Variants in CTDP1 observed in about 807,000 individuals in gnomAD.
CTDP1 encodes the protein CTD phosphatase 1, also known as RNA polymerase II subunit A C-terminal domain phosphatase.
Under a neutral mutation model 91.8 loss-of-function variants are expected in CTDP1, and 47 were observed. The observed-to-expected ratio is 0.51, with a 90% CI of 0.41 to 0.65. The LOEUF is 0.65. Among genes scored for constraint, CTDP1 ranks in the 30% least tolerant of loss-of-function variants. The probability of loss-of-function intolerance (pLI) is 0.00; values close to 1 mark genes in which losing one functional copy is unlikely to be tolerated. For synonymous variants in CTDP1, 656 were observed against 598.5 expected (o/e 1.10, Z -1.40); for missense variants, 1,272 against 1,373.7 (o/e 0.93, Z 1.17).
At chr18:79,676,902 G>C (rs1245089792), upstream of CTDP1, among the ~76,000 whole-genome samples, 1 of 152,144 alleles carries the variant, frequency 6.6e-6, no homozygotes, top group African/African-American at 2.4e-5. Context: ...TTAAAGACAT[G>C]GTTAAGTTTC....
In CTDP1 at chr18:79,679,975, C is replaced by A; in HGVS notation, c.28C>A (p.Pro10Thr). 1 of 1,371,086 alleles carries A rather than the reference C, an allele frequency of 7.3e-7. No homozygotes were observed. The allele number at this position is 1,371,086 out of a possible 1,614,324, so 84.9% of individuals were successfully genotyped here. A position where few individuals can be genotyped will look rare whatever the true frequency, so the allele number is the denominator to read the frequency against. MEVPAAGRV[P>T]AEGAPTAAVA... ...GGAGGTGCCGGCCGCGGGTCGCGTT[C>A]CTGCCGAGGGCGCCCCGACGGCGGC... Residue 10 changes from proline (P) to threonine (T), a missense_variant, in exon 1 of 13, where the codon CCT becomes ACT. Pro to Thr is a conservative substitution (Grantham distance 38). This residue lies in a region of CTDP1 where 214 missense variants were observed against 179.1 expected (regional missense o/e 1.19). Transcript: ENST00000613122.
intron 4 of CTDP1, chr18:79,703,616 C>T (rs1219555445): frequency 6.6e-6 from 1 of 152,238 alleles, no homozygotes; most frequent in East Asian, 1.9e-4. Flanking sequence ...ACTGTCAGCA[C>T]GTGATGTTGG....
chr18:79,694,295 G>A (rs1287856482), intron 1 of CTDP1, among the ~76,000 whole-genome samples: 18 of 125,210 alleles, frequency 1.4e-4, no homozygotes, highest in Non-Finnish European at 1.0e-4. Flanking sequence ...AGTGCTGGGC[G>A]GTCTCATGTC....
intron 8 of CTDP1, among the ~76,000 whole-genome samples, chr18:79,716,278 TGTG>T (rs1039821253): frequency 2.6e-5 from 4 of 152,066 alleles, no homozygotes; most frequent in African/African-American, 4.8e-5. Flanking sequence ...AGGAAAGCCT[TGTG>T]GGGTGAGCTC....
chr18:79,719,573 G>A (rs2086291780), intron 10 of CTDP1, among the ~76,000 whole-genome samples: 1 of 150,344 alleles, frequency 6.7e-6, no homozygotes. Context: ...TGTTAGGAAG[G>A]TGTCCTGGTG....
Position 79,740,906 on chromosome 18 carries a change from G to A in CTDP1, c.2747+4385G>A, listed in dbSNP as rs371463340. Among the ~76,000 whole-genome samples, 13 of 152,250 alleles carry A rather than the reference G, an allele frequency of 8.5e-5. No homozygotes were observed. The South Asian group carries it at 1.5e-3, about 17-fold the overall frequency. On this transcript the variant is annotated intron_variant, in intron 12 of 12. Coordinates refer to ENST00000613122, the MANE Select transcript of CTDP1 (RefSeq NM_004715.5). ...TGTTTAAGGATCTCACAGACACATC[G>A]TCCCAACACCAGTTCCAGGTACCGA...
rs986792506 is a variant in CTDP1, at chr18:79,721,343, A to G, written c.2417+3327A>G. On this transcript the variant is annotated intron_variant, in intron 10 of 12. Transcript: ENST00000613122. ...AGAACAGCAGGGCGGAACCTGGCCT[A>G]TGGGATTGCTGTGGGCCAGTCAGTG... Among the ~76,000 whole-genome samples the G allele has an allele frequency of 7.9e-5, 12 of 152,290 alleles. No homozygotes were observed. The East Asian group carries it at 9.6e-4, about 12-fold the overall frequency.
rs1414482507 is a variant in CTDP1, at chr18:79,681,434, A to G, written c.314+1173A>G. The G allele has an allele frequency of 4.1e-6, 4 of 984,546 alleles. No individual in the cohort carries two copies. The African/African-American group carries it at 7.0e-5, about 17-fold the overall frequency. 61.0% of individuals were successfully genotyped at this position (984,546 alleles called of 1,614,324 possible). On this transcript the variant is annotated intron_variant, in intron 1 of 12. Coordinates refer to ENST00000613122, the MANE Select transcript of CTDP1 (RefSeq NM_004715.5). The stretch of plus-strand genomic sequence containing the variant: ...CCCAATGCTGGTGTATTCCCTGGAC[A>G]GAAAACCCCAGGATGGAAGATCCCT...
At chr18:79,711,606 G>C (rs111932378) in intron 6 of CTDP1, among the ~76,000 whole-genome samples, 4,345 of 152,286 alleles carry the variant, frequency 0.029, 214 homozygotes, top group African/African-American at 0.099. Context: ...CTTGACATCA[G>C]CGTCAGCATC....
intron 12 of CTDP1, among the ~76,000 whole-genome samples, chr18:79,751,675 A>ATG (rs1336246685): frequency 6.6e-6 from 1 of 152,176 alleles, no homozygotes; most frequent in Admixed American, 6.5e-5. Context: ...CCTCGAGTGC[A>ATG]TGTGTGTTAC....
intron 6 of CTDP1, among the ~76,000 whole-genome samples, chr18:79,712,161 G>A (rs1377876593): frequency 2.0e-5 from 3 of 152,218 alleles, no homozygotes; most frequent in Non-Finnish European, 4.4e-5. Context: ...AAAGTCACCC[G>A]AAGGCAGAAT....
At chr18:79,687,734 G>A (rs2085534527) in intron 1 of CTDP1, among the ~76,000 whole-genome samples, 6 of 152,396 alleles carry the variant, frequency 3.9e-5, no homozygotes, top group Admixed American at 3.9e-4. Flanking sequence ...TTGGTTGGTT[G>A]TCCTGAGCAT....
chr18:79,694,107 T>C (rs1599207650), intron 1 of CTDP1, among the ~76,000 whole-genome samples: 2 of 152,144 alleles, frequency 1.3e-5, no homozygotes, highest in East Asian at 1.9e-4. Flanking sequence ...GGTGGCTGTC[T>C]CATGTCCGCG....
At chr18:79,724,786 C>G (rs185160393) in intron 10 of CTDP1, among the ~76,000 whole-genome samples, 4 of 152,288 alleles carry the variant, frequency 2.6e-5, no homozygotes, top group South Asian at 4.1e-4. Context: ...GATGTTTTAT[C>G]CTAAAAGTTC....
rs1329585823 is a variant in CTDP1 at position 79,747,642 on chromosome 18, C to T, written c.2748-6010C>T. Among the ~76,000 whole-genome samples, 5 of 152,382 alleles carry T rather than the reference C, an allele frequency of 3.3e-5. No individual in the cohort carries two copies. In the East Asian group the frequency reaches 9.6e-4, roughly 29 times the overall value. ...CAGCCCCAACGCCGCTCTCACGCCA[C>T]GTTCCACTCCAGGGTGCACTGGGGA... On this transcript the variant is annotated intron_variant, in intron 12 of 12. Coordinates refer to ENST00000613122, the MANE Select transcript of CTDP1 (RefSeq NM_004715.5).
At chr18:79,679,302 C>A (rs968640857), upstream of CTDP1, 1 of 416,224 alleles carries the variant, frequency 2.4e-6, no homozygotes, top group African/African-American at 2.0e-5. Flanking sequence ...GGACACGAGG[C>A]GGGGCCACCA....
chr18:79,693,705 C>A (rs115909260), intron 1 of CTDP1, among the ~76,000 whole-genome samples: 1 of 152,158 alleles, frequency 6.6e-6, no homozygotes, highest in Non-Finnish European at 1.5e-5. Context: ...AGCCCCGCAC[C>A]GTGTGTCCTC....
At chr18:79,728,136 G>T (rs888800882) in intron 10 of CTDP1, among the ~76,000 whole-genome samples, 3 of 151,886 alleles carry the variant, frequency 2.0e-5, no homozygotes, top group Admixed American at 6.6e-5. Context: ...GTCTTGCTCT[G>T]TTGCCCAGGC....
intron 5 of CTDP1, among the ~76,000 whole-genome samples, chr18:79,707,084 C>T (rs2085981588): frequency 6.6e-6 from 1 of 152,212 alleles, no homozygotes; most frequent in South Asian, 2.1e-4. Flanking sequence ...GTTTGCTGGT[C>T]AGAGCACACA....
Sources: gnomAD v4.1 joint callset for allele counts (sites outside exome capture counted in the v4.1 genomes callset) on GRCh38, gnomAD v4.1.1 for gene constraint, gnomAD v4.1.1 regional missense constraint, MANE v1.5 for transcripts, NCBI Gene and HGNC (gene_info 2026-07-23, HGNC 2026-07-21) for gene names.